NRG3: variants seen among roughly 807,000 people sequenced by gnomAD.
NRG3 encodes the protein pro-neuregulin-3, membrane-bound isoform.
A neutral mutation model predicts 66.9 loss-of-function variants in NRG3; 31 were observed. The ratio of observed to expected loss-of-function variants is 0.46; its 90% CI spans 0.35 to 0.63. The LOEUF (loss-of-function observed/expected upper bound fraction) is 0.63, where lower values mean the gene tolerates loss of function less well. Ranked by LOEUF, NRG3 falls within the 20% of genes least tolerant of loss-of-function variation. The pLI, the probability that NRG3 is intolerant of heterozygous loss-of-function variation, is 0.00. For synonymous variants in NRG3, 393 were observed against 359.4 expected (o/e 1.09, Z -1.06); for missense variants, 910 against 878.9 (o/e 1.04, Z -0.45).
chr10:82,838,630 A>T (rs551810463), intron 3 of NRG3, among the ~76,000 whole-genome samples: 4 of 151,078 alleles, frequency 2.6e-5, no homozygotes, highest in Admixed American at 2.0e-4. Context: ...GAATTTTTTT[A>T]AAGAAATAAT....
In NRG3 at chr10:82,914,520, GC is replaced by G. The variant is rs1475627268; in HGVS notation, c.1055-36946del. On this transcript the variant is annotated intron_variant, in intron 4 of 8. Transcript: ENST00000372141. ...TCAGAGGCTAAAATTTCCTTCTGATGCCCTTGTTTTTGTCTTCCCTGTTGTC... is the reference window on the plus strand; with the variant it reads ...TCAGAGGCTAAAATTTCCTTCTGATGCCTTGTTTTTGTCTTCCCTGTTGTC... 2.6e-5 allele frequency among the ~76,000 whole-genome samples: 4 copies of G among 152,196 alleles called. No individual in the cohort carries two copies. In the South Asian group the frequency reaches 8.3e-4, roughly 32 times the overall value.
intron 1 of NRG3, among the ~76,000 whole-genome samples, chr10:82,275,370 G>A (rs1366583513): frequency 6.6e-6 from 1 of 151,960 alleles, no homozygotes; most frequent in Non-Finnish European, 1.5e-5. Flanking sequence ...TAGGTGGACA[G>A]TAACAATATG....
chr10:82,337,537 A>G (rs1195516604), intron 1 of NRG3, among the ~76,000 whole-genome samples: 1 of 152,162 alleles, frequency 6.6e-6, no homozygotes, highest in Non-Finnish European at 1.5e-5. Context: ...TCATATGGTA[A>G]CTCTAACATC....
chr10:81,934,253 A>G (rs750662172), intron 1 of NRG3, among the ~76,000 whole-genome samples: 1 of 152,160 alleles, frequency 6.6e-6, no homozygotes, highest in Non-Finnish European at 1.5e-5. Flanking sequence ...TTCAGTCAAC[A>G]TTTCCTTTTC....
At chr10:82,532,821 A>AT (rs1337779999) in intron 2 of NRG3, among the ~76,000 whole-genome samples, 3 of 151,060 alleles carry the variant, frequency 2.0e-5, no homozygotes, top group Non-Finnish European at 4.4e-5. Flanking sequence ...TGGTAGTCCT[A>AT]TTTTTTCTTT....
At chr10:82,646,197 C>T (rs970028698) in intron 2 of NRG3, among the ~76,000 whole-genome samples, 1 of 152,026 alleles carries the variant, frequency 6.6e-6, no homozygotes, top group Non-Finnish European at 1.5e-5. Flanking sequence ...TGAGAAACAT[C>T]GTAAACAAAA....
intron 1 of NRG3, among the ~76,000 whole-genome samples, chr10:81,965,246 G>A (rs2059687156): frequency 6.6e-6 from 1 of 152,216 alleles, no homozygotes; most frequent in East Asian, 1.9e-4. Context: ...AGATATCTGA[G>A]AAAAATTTCT....
intron 4 of NRG3, among the ~76,000 whole-genome samples, chr10:82,933,902 C>A: frequency 6.6e-6 from 1 of 152,102 alleles, no homozygotes; most frequent in Admixed American, 6.6e-5. Flanking sequence ...GTAAGGCCAA[C>A]TGATCATGAA....
intron 3 of NRG3, among the ~76,000 whole-genome samples, chr10:82,852,175 G>A (rs965523492): frequency 7.2e-5 from 11 of 152,122 alleles, no homozygotes; most frequent in African/African-American, 1.2e-4. Flanking sequence ...TGAAGTCTGC[G>A]TGCTTTAACA....
Position 82,470,135 on chromosome 10 carries a change from C to A in NRG3, c.953+111267C>A, listed in dbSNP as rs545283513. 1.2e-3 allele frequency among the ~76,000 whole-genome samples: 178 copies of A among 152,282 alleles called. 1 individual carries two copies. Among genetic ancestry groups the A allele is most frequent in the African/African-American group, 4.0e-3 (168 of 41,562 alleles). Reference sequence around the variant, plus strand: ...GCAGAGCTCAAATCCAATGCCATGTCAAGGCACACTGTAAAAGAAGGGCTT... The same window carrying A: ...GCAGAGCTCAAATCCAATGCCATGTAAAGGCACACTGTAAAAGAAGGGCTT... On this transcript the variant is annotated intron_variant, in intron 2 of 8. Coordinates refer to ENST00000372141, the MANE Select transcript of NRG3 (RefSeq NM_001010848.4).
intron 2 of NRG3, among the ~76,000 whole-genome samples, chr10:82,421,937 G>T (rs943974379): frequency 6.6e-6 from 1 of 152,054 alleles, no homozygotes; most frequent in African/African-American, 2.4e-5. Flanking sequence ...ACTTCAAGTT[G>T]TCCAGGGAAA....
intron 6 of NRG3, among the ~76,000 whole-genome samples, chr10:82,969,483 C>T (rs1851531906): frequency 6.6e-6 from 1 of 152,144 alleles, no homozygotes; most frequent in African/African-American, 2.4e-5. Flanking sequence ...AAAACAATCA[C>T]CTTTTCCAAA....
intron 1 of NRG3, among the ~76,000 whole-genome samples, chr10:81,987,986 A>G (rs1293071201): frequency 6.6e-6 from 1 of 152,204 alleles, no homozygotes; most frequent in African/African-American, 2.4e-5. Context: ...TACAAGATTC[A>G]CTTTTTGGTT....
intron 1 of NRG3, among the ~76,000 whole-genome samples, chr10:81,919,151 A>T (rs1439150502): frequency 6.6e-6 from 1 of 152,236 alleles, no homozygotes; most frequent in Non-Finnish European, 1.5e-5. Context: ...GTTTGTATGG[A>T]AAAGGCTTAG....
At chr10:82,822,818 G>A (rs2062011295) in intron 3 of NRG3, among the ~76,000 whole-genome samples, 1 of 151,954 alleles carries the variant, frequency 6.6e-6, no homozygotes, top group African/African-American at 2.4e-5. Context: ...GACAACTGAA[G>A]CTATCTTTCC....
intron 2 of NRG3, among the ~76,000 whole-genome samples, chr10:82,609,097 A>ATGTGATTG (rs1243231087): frequency 2.6e-5 from 4 of 152,162 alleles, no homozygotes; most frequent in Non-Finnish European, 5.9e-5. Flanking sequence ...TTTTTTTACT[A>ATGTGATTG]ACACTTTACC....
chr10:82,820,829 A>C (rs2061920228), intron 3 of NRG3, among the ~76,000 whole-genome samples: 1 of 152,178 alleles, frequency 6.6e-6, no homozygotes, highest in Admixed American at 6.5e-5. Context: ...ATAAAAGGTG[A>C]CCCTTCTTTT....
chr10:82,081,131 G>T lies in NRG3; in HGVS notation c.823+204968G>T, dbSNP rs558790608. Among the ~76,000 whole-genome samples the T allele has an allele frequency of 2.6e-5, 4 of 152,298 alleles. No individual in the cohort carries two copies. In the South Asian group the frequency reaches 8.3e-4, roughly 32 times the overall value. ...TGAACATTTTTGTGGGGGAATGTGT[G>T]TAAAGGTATATAGACATGAATATTT... On this transcript the variant is annotated intron_variant, in intron 1 of 8. Transcript: ENST00000372141.
chr10:82,233,351 C>T (rs755463515), intron 1 of NRG3, among the ~76,000 whole-genome samples: 4 of 152,024 alleles, frequency 2.6e-5, no homozygotes, highest in Non-Finnish European at 5.9e-5. Context: ...GGCGACAGAG[C>T]GAGACTCCAT....
Sources: gnomAD v4.1 joint callset for allele counts (sites outside exome capture counted in the v4.1 genomes callset) on GRCh38, gnomAD v4.1.1 for gene constraint, MANE v1.5 for transcripts, NCBI Gene and HGNC (gene_info 2026-07-23, HGNC 2026-07-21) for gene names.